The following LCLAT1 variants were observed in gnomAD, a reference collection of about 807,000 sequenced individuals.
LCLAT1 encodes the protein lysocardiolipin acyltransferase 1, also known as 1-AGP acyltransferase 8.
LCLAT1 carries 11 observed loss-of-function variants against 30.7 expected under a neutral mutation model. The ratio of observed to expected loss-of-function variants is 0.36; its 90% confidence interval spans 0.23 to 0.59. The LOEUF (loss-of-function observed/expected upper bound fraction) is 0.59, where lower values mean the gene tolerates loss of function less well. Among genes scored for constraint, LCLAT1 ranks in the 20% least tolerant of loss-of-function variants. LCLAT1 has a pLI of 0.77. For missense variants in LCLAT1, 402 were observed against 458.6 expected (o/e 0.88, Z 1.13); for synonymous variants, 155 against 151.3 (o/e 1.02, Z -0.18).
intron 1 of LCLAT1, among the ~76,000 whole-genome samples, chr2:30,451,224 A>G (rs1290196995): frequency 2.0e-5 from 3 of 152,200 alleles, no homozygotes; most frequent in Non-Finnish European, 4.4e-5. Flanking sequence ...GCCGGTGTTG[A>G]CAAGGGTGTA....
intron 5 of LCLAT1, among the ~76,000 whole-genome samples, chr2:30,600,911 C>T (rs1199011623): frequency 6.6e-6 from 1 of 152,160 alleles, no homozygotes; most frequent in East Asian, 1.9e-4. Context: ...CTGTCTCTTT[C>T]AGGTGTCTTA....
At chr2:30,575,351 A>G (rs1237491764) in intron 5 of LCLAT1, among the ~76,000 whole-genome samples, 1 of 152,054 alleles carries the variant, frequency 6.6e-6, no homozygotes, top group Non-Finnish European at 1.5e-5. Flanking sequence ...TCCTAATACC[A>G]TGCCAGGAAT....
intron 3 of LCLAT1, among the ~76,000 whole-genome samples, chr2:30,560,419 C>A (rs1248357854): frequency 6.6e-6 from 1 of 151,848 alleles, no homozygotes; most frequent in Non-Finnish European, 1.5e-5. Flanking sequence ...GCTCACTGCA[C>A]CCTCTGCCTC....
At chr2:30,544,415 TA>T (rs1396389770) in intron 3 of LCLAT1, among the ~76,000 whole-genome samples, 1 of 152,232 alleles carries the variant, frequency 6.6e-6, no homozygotes, top group Non-Finnish European at 1.5e-5. Flanking sequence ...AGAGATTACT[TA>T]GTTTCTCTTT....
chr2:30,623,634 C>G (rs1226250469), intron 5 of LCLAT1, among the ~76,000 whole-genome samples: 1 of 151,724 alleles, frequency 6.6e-6, no homozygotes, highest in Non-Finnish European at 1.5e-5. Context: ...ACAACAAAAC[C>G]TAAGAAAAAT....
At position 30,568,163 on chromosome 2, in the gene LCLAT1, C is replaced by T; in HGVS notation, c.615C>T (p.Asp205=). The change falls in exon 5 of 6, where the codon GAC becomes GAT. Residue 205 remains aspartate (D), a synonymous_variant. Transcript: ENST00000379509. ...PRTTGFTFVV[D]RLREGKNLDA... ...CTACAGGCTTTACTTTTGTGGTAGACCGTCTAAGAGAAGGTAAGCACCCAT... is the reference window on the plus strand; with the variant it reads ...CTACAGGCTTTACTTTTGTGGTAGATCGTCTAAGAGAAGGTAAGCACCCAT... 1 of 1,584,968 alleles carries T rather than the reference C, an allele frequency of 6.3e-7. No homozygotes were observed.
At chr2:30,554,075 A>G (rs905003904) in intron 3 of LCLAT1, among the ~76,000 whole-genome samples, 16 of 152,198 alleles carry the variant, frequency 1.1e-4, no homozygotes, top group African/African-American at 3.1e-4. Context: ...CATTTAAGCT[A>G]AAAGAAGTAA....
At chr2:30,521,569 A>G (rs860486) in intron 1 of LCLAT1, among the ~76,000 whole-genome samples, 105,750 of 140,010 alleles carry the variant, frequency 0.76, 40,207 homozygotes, top group East Asian at 0.87. Context: ...GTGCAGTGGC[A>G]CCATCTTGGC....
At chr2:30,592,025 G>C (rs563342907) in intron 5 of LCLAT1, among the ~76,000 whole-genome samples, 36 of 152,216 alleles carry the variant, frequency 2.4e-4, no homozygotes, top group African/African-American at 8.4e-4. Context: ...TGTCATGAGA[G>C]GTATTGTTCA....
chr2:30,553,792 G>A (rs535929831), intron 3 of LCLAT1, among the ~76,000 whole-genome samples: 45 of 152,166 alleles, frequency 3.0e-4, no homozygotes, highest in African/African-American at 9.4e-4. Context: ...TCCGCAGTCC[G>A]GCCTGGGCGA....
intron 5 of LCLAT1, among the ~76,000 whole-genome samples, chr2:30,577,534 T>G (rs1181935031): frequency 6.6e-6 from 1 of 152,156 alleles, no homozygotes; most frequent in Non-Finnish European, 1.5e-5. Flanking sequence ...ATCCACATAA[T>G]TTCATTGTGG....
chr2:30,516,344 C>A (rs560684413), intron 1 of LCLAT1, among the ~76,000 whole-genome samples: 6 of 152,274 alleles, frequency 3.9e-5, no homozygotes, highest in African/African-American at 1.4e-4. Flanking sequence ...TGCTGAACGT[C>A]GCCGTCGCAG....
At chr2:30,590,847 T>TAA (rs954030147) in intron 5 of LCLAT1, among the ~76,000 whole-genome samples, 2 of 152,078 alleles carry the variant, frequency 1.3e-5, no homozygotes, top group African/African-American at 4.8e-5. Flanking sequence ...AAATAAATAC[T>TAA]AAGTACTAAT....
intron 5 of LCLAT1, among the ~76,000 whole-genome samples, chr2:30,572,043 T>C (rs1469868202): frequency 6.6e-6 from 1 of 152,222 alleles, no homozygotes; most frequent in Admixed American, 6.5e-5. Context: ...CAAATTTGCC[T>C]CAGGAGAAGT....
chr2:30,483,707 C>T (rs1357029823), intron 1 of LCLAT1, among the ~76,000 whole-genome samples: 2 of 152,140 alleles, frequency 1.3e-5, no homozygotes, highest in South Asian at 2.1e-4. Context: ...GCAAACCAGA[C>T]CCAGTTTAGG....
chr2:30,586,563 T>C (rs889040707), intron 5 of LCLAT1, among the ~76,000 whole-genome samples: 1 of 152,232 alleles, frequency 6.6e-6, no homozygotes, highest in African/African-American at 2.4e-5. Context: ...AAATAGGTTC[T>C]TTGCAGATGT....
At chr2:30,570,521 T>C (rs1665733860) in intron 5 of LCLAT1, among the ~76,000 whole-genome samples, 1 of 152,188 alleles carries the variant, frequency 6.6e-6, no homozygotes, top group Admixed American at 6.5e-5. Flanking sequence ...ATTTATCTCA[T>C]TGTGCAAAAC....
chr2:30,550,469 C>T (rs759815423), intron 3 of LCLAT1, among the ~76,000 whole-genome samples: 18 of 152,100 alleles, frequency 1.2e-4, no homozygotes, highest in Non-Finnish European at 2.1e-4. Context: ...TTTCATGGTG[C>T]CTTTGAAAAG....
intron 3 of LCLAT1, among the ~76,000 whole-genome samples, chr2:30,534,748 A>G (rs1686159482): frequency 6.6e-6 from 1 of 152,194 alleles, no homozygotes; most frequent in Admixed American, 6.5e-5. Context: ...CTTAGAATTC[A>G]AACAGTATCA....
Sources: gnomAD v4.1 joint callset for allele counts (sites outside exome capture counted in the v4.1 genomes callset) on GRCh38, gnomAD v4.1.1 for gene constraint, MANE v1.5 for transcripts, NCBI Gene and HGNC (gene_info 2026-07-23, HGNC 2026-07-21) for gene names.